The following FOXN3 variants were observed in gnomAD, a reference collection of about 807,000 sequenced individuals.
The protein encoded by FOXN3 is forkhead box protein N3.
FOXN3 carries 7 observed loss-of-function variants against 38.4 expected under a neutral mutation model. That is an observed-to-expected ratio of 0.18 (90% CI 0.10 to 0.34). The LOEUF is 0.34. Among genes scored for constraint, FOXN3 ranks in the 10% least tolerant of loss-of-function variants. The pLI, the probability that FOXN3 is intolerant of heterozygous loss-of-function variation, is 1.00. For missense variants in FOXN3, 456 were observed against 613.4 expected, an observed-to-expected ratio of 0.74 and a Z score of 2.71; for synonymous variants, 230 against 242.2, an observed-to-expected ratio of 0.95 and a Z score of 0.47.
intron 1 of FOXN3, among the ~76,000 whole-genome samples, chr14:89,528,197 C>T (rs1323702544): frequency 6.6e-6 from 1 of 152,082 alleles, no homozygotes; most frequent in Admixed American, 6.5e-5. Context: ...CATATGTCCT[C>T]CATACAGAGA....
intron 1 of FOXN3, among the ~76,000 whole-genome samples, chr14:89,422,586 T>TA (rs1891937770): frequency 6.6e-6 from 1 of 152,128 alleles, no homozygotes. Context: ...TTTGTAAGAG[T>TA]AAAAAAACTC....
intron 5 of FOXN3, among the ~76,000 whole-genome samples, chr14:89,174,619 C>T (rs1025433224): frequency 2.6e-5 from 4 of 152,262 alleles, no homozygotes; most frequent in African/African-American, 7.2e-5. Flanking sequence ...CATTAACGAA[C>T]GTCATTGATA....
intron 2 of FOXN3, among the ~76,000 whole-genome samples, chr14:89,406,003 T>C (rs1424938384): frequency 6.6e-6 from 1 of 152,108 alleles, no homozygotes; most frequent in Non-Finnish European, 1.5e-5. Flanking sequence ...CCACCTTTAC[T>C]AAAAATATAT....
At chr14:89,346,129 G>A (rs1888752531) in intron 3 of FOXN3, among the ~76,000 whole-genome samples, 1 of 152,138 alleles carries the variant, frequency 6.6e-6, no homozygotes, top group Non-Finnish European at 1.5e-5. Context: ...TCCTTTTTAT[G>A]GCTGAGTAGT....
intron 4 of FOXN3, among the ~76,000 whole-genome samples, chr14:89,236,222 G>C (rs796407402): frequency 6.6e-6 from 1 of 152,198 alleles, no homozygotes; most frequent in East Asian, 1.9e-4. Flanking sequence ...GAGCCTTTGA[G>C]AGTAGCATGC....
chr14:89,241,852 G>A (rs1188600363), intron 4 of FOXN3, among the ~76,000 whole-genome samples: 1 of 152,164 alleles, frequency 6.6e-6, no homozygotes, highest in Admixed American at 6.5e-5. Context: ...TGTTTGGGGT[G>A]TCTATCCCAC....
rs68132432 is a variant in FOXN3 at position 89,467,804 on chromosome 14, G to GTTTTTTTTT, written c.-14-55323_-14-55315dup. Among the ~76,000 whole-genome samples, 30 of 56,586 alleles carry GTTTTTTTTT rather than the reference G, an allele frequency of 5.3e-4. 1 individual carries two copies. Among genetic ancestry groups the GTTTTTTTTT allele is most frequent in the South Asian group, 1.9e-3 (2 of 1,078 alleles). The allele number at this position is 56,586 out of a possible 152,430, so 37.1% of individuals were successfully genotyped here. A position where few individuals can be genotyped will look rare whatever the true frequency, so the allele number is the denominator to read the frequency against. ...CTTCTTCCTTTTCTTTTCTTTCTTTGTTTTTTTTTTTTTTTTTTTTTTTTG... is the reference window on the plus strand; with the variant it reads ...CTTCTTCCTTTTCTTTTCTTTCTTTGTTTTTTTTTTTTTTTTTTTTTTTTTTTTTTTTTG... On this transcript the variant is annotated intron_variant, in intron 1 of 6. Coordinates refer to the FOXN3 transcript ENST00000345097.
At chr14:89,280,828 C>T (rs868307588) in intron 4 of FOXN3, 122 bp downstream of exon 4, 11 of 731,102 alleles carry the variant, frequency 1.5e-5, no homozygotes, top group Middle Eastern at 2.4e-4. Context: ...AGTCACACTT[C>T]TCCAGAAAGC....
At chr14:89,496,572 C>T (rs1893688073) in intron 1 of FOXN3, among the ~76,000 whole-genome samples, 1 of 152,064 alleles carries the variant, frequency 6.6e-6, no homozygotes, top group Admixed American at 6.6e-5. Context: ...ATTTAGCCTC[C>T]CTAAGGAAGT....
intron 1 of FOXN3, among the ~76,000 whole-genome samples, chr14:89,469,899 C>A (rs149221399): frequency 6.6e-6 from 1 of 152,202 alleles, no homozygotes; most frequent in Non-Finnish European, 1.5e-5. Context: ...TGAATGTCAG[C>A]GAGTTGGTCG....
At chr14:89,235,515 T>A (rs1049888336) in intron 4 of FOXN3, among the ~76,000 whole-genome samples, 1 of 152,182 alleles carries the variant, frequency 6.6e-6, no homozygotes, top group African/African-American at 2.4e-5. Context: ...GCTTCATCTG[T>A]GGGGTCCTGG....
At chr14:89,284,901 C>T (rs538460577) in intron 3 of FOXN3, among the ~76,000 whole-genome samples, 1 of 152,282 alleles carries the variant, frequency 6.6e-6, no homozygotes, top group East Asian at 1.9e-4. Flanking sequence ...CGGCGGCTGC[C>T]AGAGACTCAG....
At position 89,359,655 on chromosome 14, in the gene FOXN3, G is replaced by T. The variant is rs543070018; in HGVS notation, c.544-8847C>A. Among the ~76,000 whole-genome samples, 5 of 152,286 alleles carry T rather than the reference G, an allele frequency of 3.3e-5. No homozygotes were observed. In the South Asian group the frequency reaches 8.3e-4, roughly 25 times the overall value. ...GCTACTTGCTTTGAGTCATGTCTTC[G>T]TGCACACTGAGAGATGCTCCGGCCG... On this transcript the variant is annotated intron_variant, in intron 2 of 5. Transcript: ENST00000557258.
chr14:89,355,999 T>C (rs1289661313), intron 2 of FOXN3, among the ~76,000 whole-genome samples: 1 of 147,902 alleles, frequency 6.8e-6, no homozygotes, highest in Non-Finnish European at 1.5e-5. Flanking sequence ...CAGGGAGGGA[T>C]AGCCTGTAAC....
At chr14:89,399,075 C>A (rs1297345284) in intron 2 of FOXN3, among the ~76,000 whole-genome samples, 2 of 152,218 alleles carry the variant, frequency 1.3e-5, no homozygotes, top group Non-Finnish European at 1.5e-5. Context: ...CAGACTCAAG[C>A]CCCAGCCCAA....
rs533683422 is a variant in FOXN3 at position 89,336,102 on chromosome 14, C to T, written c.680+14570G>A. ...TGTGTGATTCTCCCCACCCTACATT[C>T]GCTTTTCGATTTTGTCTAAAACAGA... On this transcript the variant is annotated intron_variant, in intron 3 of 5. Coordinates refer to ENST00000557258, the MANE Select transcript of FOXN3 (RefSeq NM_005197.4). Among the ~76,000 whole-genome samples, 23 of 151,276 alleles carry T rather than the reference C, an allele frequency of 1.5e-4. No individual in the cohort carries two copies. The East Asian group carries it at 3.5e-3, about 23-fold the overall frequency.
intron 1 of FOXN3, among the ~76,000 whole-genome samples, chr14:89,599,068 C>T (rs1314079987): frequency 6.6e-6 from 1 of 152,146 alleles, no homozygotes; most frequent in Non-Finnish European, 1.5e-5. Flanking sequence ...TTTAATATGT[C>T]TTTCACAATC....
chr14:89,196,578 C>T (rs1201975000), intron 4 of FOXN3, among the ~76,000 whole-genome samples: 3 of 152,118 alleles, frequency 2.0e-5, no homozygotes, highest in South Asian at 2.1e-4. Context: ...GCCAGAGCTA[C>T]GGATTCCAAG....
chr14:89,606,626 G>A (rs1896281456), intron 1 of FOXN3, among the ~76,000 whole-genome samples: 1 of 152,190 alleles, frequency 6.6e-6, no homozygotes, highest in Non-Finnish European at 1.5e-5. Flanking sequence ...GAGGTAGGCG[G>A]AGCACCTGAG....
Sources: gnomAD v4.1 joint callset for allele counts (sites outside exome capture counted in the v4.1 genomes callset) on GRCh38, gnomAD v4.1.1 for gene constraint, MANE v1.5 for transcripts, NCBI Gene and HGNC (gene_info 2026-07-23, HGNC 2026-07-21) for gene names.